IGSF21: variants seen among roughly 807,000 people sequenced by gnomAD.
IGSF21 encodes the protein immunoglobulin superfamily member 21.
Under a neutral mutation model 46.8 loss-of-function variants are expected in IGSF21, and 28 were observed. The ratio of observed to expected loss-of-function variants is 0.60; its 90% CI spans 0.44 to 0.82. The LOEUF (loss-of-function observed/expected upper bound fraction) is 0.82, where lower values mean the gene tolerates loss of function less well. IGSF21 is among the 40% of genes least tolerant of loss of function. IGSF21 has a pLI of 0.00. For synonymous variants in IGSF21, 284 were observed against 273.6 expected, an observed-to-expected ratio of 1.04 and a Z score of -0.38; for missense variants, 624 against 665.5, an observed-to-expected ratio of 0.94 and a Z score of 0.69.
At chr1:18,167,137 G>A (rs190569803) in intron 1 of IGSF21, 1 of 152,680 alleles carries the variant, frequency 6.5e-6, no homozygotes, top group East Asian at 1.9e-4. Flanking sequence ...ACACATCGCT[G>A]GCTGAGCCTG....
At position 18,291,729 on chromosome 1, in the gene IGSF21, C is replaced by T. The variant is rs186652623; in HGVS notation, c.184-137C>T. 578 of 1,048,782 alleles carry T rather than the reference C, an allele frequency of 5.5e-4. 4 individuals carry two copies. Among genetic ancestry groups the T allele is most frequent in the Middle Eastern group, 4.4e-3 (14 of 3,160 alleles). The allele number at this position is 1,048,782 out of a possible 1,614,324, so 65.0% of individuals were successfully genotyped here. On this transcript the variant is annotated intron_variant, in intron 2 of 9. Transcript: ENST00000251296. The stretch of plus-strand genomic sequence containing the variant: ...AACATCGCTGCCTCCAGGAAGCCCT[C>T]GGTTATTACCTTATTCTCAGGATGG...
rs2086148147 is a variant in IGSF21, at chr1:18,365,212, T to C, written c.541-11T>C. ...CAAAATCATTTTCCCACACCCTCCT[T>C]ACAATGGCAGGTTTATTTCAAACGA... On this transcript the variant is annotated splice_polypyrimidine_tract_variant and intron_variant, in intron 5 of 9. Transcript: ENST00000251296. The surrounding 1 kb of genome is among the most constrained non-coding windows in gnomAD (Gnocchi z 4.8). 5 of 1,582,858 alleles carry C rather than the reference T, an allele frequency of 3.2e-6. No individual in the cohort carries two copies. In the Middle Eastern group the frequency reaches 5.1e-4, roughly 160 times the overall value.
At chr1:18,339,928 T>C (rs971424273) in intron 4 of IGSF21, among the ~76,000 whole-genome samples, 2 of 152,172 alleles carry the variant, frequency 1.3e-5, no homozygotes, top group Non-Finnish European at 2.9e-5. Context: ...TCAAACCCTC[T>C]GAAAGGAGCA....
intron 3 of IGSF21, among the ~76,000 whole-genome samples, chr1:18,299,685 C>A (rs577014340): frequency 2.6e-5 from 4 of 152,202 alleles, no homozygotes; most frequent in Non-Finnish European, 5.9e-5. Flanking sequence ...CAGTTCCTGA[C>A]CTGCTGGAAA....
intron 3 of IGSF21, among the ~76,000 whole-genome samples, chr1:18,319,654 G>A (rs2085581072): frequency 6.6e-6 from 1 of 152,156 alleles, no homozygotes. Flanking sequence ...CAAAGTTTTG[G>A]TACTTAATAT....
intron 3 of IGSF21, among the ~76,000 whole-genome samples, chr1:18,310,738 C>T (rs1373044521): frequency 6.6e-6 from 1 of 152,178 alleles, no homozygotes; most frequent in Non-Finnish European, 1.5e-5. Context: ...GTTCTCAAGG[C>T]TAGAAGTCTG....
chr1:18,334,890 A>G lies in IGSF21; in HGVS notation c.306-2A>G. The G allele has an allele frequency of 3.1e-6, 5 of 1,612,808 alleles. No individual in the cohort carries two copies. Among genetic ancestry groups the G allele is most frequent in the Non-Finnish European group, 4.2e-6 (5 of 1,178,952 alleles). On this transcript the variant is annotated splice_acceptor_variant, in intron 3 of 9. Coordinates refer to ENST00000251296, the MANE Select transcript of IGSF21 (RefSeq NM_032880.5). LOFTEE classifies it high-confidence loss of function. This position sits in a 1 kb window ranked among gnomAD's most constrained non-coding sequence, Gnocchi z 4.3. ...CCTCACCCTGTCTTCTGCCTCCCCC[A>G]GGCTGCCCGAGGTCCGGATCTCAGA...
chr1:18,355,571 A>G (rs1468634814), intron 4 of IGSF21, among the ~76,000 whole-genome samples: 3 of 151,876 alleles, frequency 2.0e-5, no homozygotes, highest in African/African-American at 7.3e-5. Flanking sequence ...AAAATTATTC[A>G]TGGAAACTTC....
chr1:18,127,123 C>A (rs896859455), intron 1 of IGSF21, among the ~76,000 whole-genome samples: 10 of 152,208 alleles, frequency 6.6e-5, no homozygotes, highest in Non-Finnish European at 1.5e-5. Context: ...GATGGGTCAT[C>A]TTGAACAGAG....
In IGSF21 at chr1:18,157,622, C is replaced by G. The variant is rs2086580268; in HGVS notation, c.70+49424C>G. ...AGCCCGGTCTGGTACACACGTTAAG[C>G]AAGACTGCAACCTGCAAGTCCAGCC... On this transcript the variant is annotated intron_variant, in intron 1 of 9. Coordinates refer to ENST00000251296, the MANE Select transcript of IGSF21 (RefSeq NM_032880.5). Among the ~76,000 whole-genome samples the G allele has an allele frequency of 1.3e-5, 2 of 152,216 alleles. 1 individual carries two copies. The highest frequency in any genetic ancestry group is 4.1e-4 in the South Asian group (2 of 4,826).
intron 1 of IGSF21, among the ~76,000 whole-genome samples, chr1:18,192,176 T>C (rs1051576140): frequency 6.6e-6 from 1 of 152,238 alleles, no homozygotes; most frequent in Non-Finnish European, 1.5e-5. Context: ...CAGAAGCCTC[T>C]GTTTCCTGCC....
intron 6 of IGSF21, 158 bp from the exon 7 acceptor site, chr1:18,376,152 T>A: frequency 1.4e-6 from 1 of 690,352 alleles, no homozygotes; most frequent in Non-Finnish European, 2.7e-6. Context: ...TCTGAATGAA[T>A]GCAGCTGTGA....
At chr1:18,215,312 A>C (rs922217861) in intron 1 of IGSF21, among the ~76,000 whole-genome samples, 9 of 152,210 alleles carry the variant, frequency 5.9e-5, no homozygotes, top group Non-Finnish European at 1.3e-4. Flanking sequence ...GGCCAGCAAC[A>C]CGCAAAGCAC....
chr1:18,285,673 T>C (rs2085206208), intron 2 of IGSF21, among the ~76,000 whole-genome samples: 1 of 152,162 alleles, frequency 6.6e-6, no homozygotes, highest in South Asian at 2.1e-4. Context: ...TGAGATGCTC[T>C]CAGCATGGGG....
intron 2 of IGSF21, among the ~76,000 whole-genome samples, chr1:18,288,091 A>C (rs2085233021): frequency 6.6e-6 from 1 of 152,132 alleles, no homozygotes; most frequent in African/African-American, 2.4e-5. Flanking sequence ...CCTTATCCCC[A>C]TTTCACAGAT....
rs79676495 is a variant in IGSF21, at chr1:18,299,498, G to T, written c.305+7511G>T. Among the ~76,000 whole-genome samples, 671 of 152,274 alleles carry T rather than the reference G, an allele frequency of 4.4e-3. 9 individuals are homozygous for T. Among genetic ancestry groups the T allele is most frequent in the African/African-American group, 0.015 (633 of 41,550 alleles). On this transcript the variant is annotated intron_variant, in intron 3 of 9. Coordinates refer to ENST00000251296, the MANE Select transcript of IGSF21 (RefSeq NM_032880.5). ...CCCTTCTCCCTCTGTATATTTTCAT[G>T]AAGCATACGTCTTCTTTCTCTAAAA... is the stretch of plus-strand genomic sequence containing the variant.
intron 1 of IGSF21, among the ~76,000 whole-genome samples, chr1:18,127,951 C>G (rs2086287537): frequency 6.6e-6 from 1 of 152,076 alleles, no homozygotes; most frequent in African/African-American, 2.4e-5. Flanking sequence ...TTGCCCAAAG[C>G]ATCTGACATC....
chr1:18,213,112 C>T (rs2084408849), intron 1 of IGSF21, among the ~76,000 whole-genome samples: 2 of 152,080 alleles, frequency 1.3e-5, no homozygotes, highest in South Asian at 2.1e-4. Context: ...TCCTTAAGTC[C>T]CCTCCCTCTG....
intron 3 of IGSF21, among the ~76,000 whole-genome samples, chr1:18,311,167 T>C (rs2085484844): frequency 6.6e-6 from 1 of 152,124 alleles, no homozygotes; most frequent in African/African-American, 2.4e-5. Context: ...GCCAGCAGGA[T>C]ATGAGAGCCC....
Sources: gnomAD v4.1 joint callset for allele counts (sites outside exome capture counted in the v4.1 genomes callset) on GRCh38, gnomAD v4.1.1 for gene constraint, Gnocchi (gnomAD v3.1) non-coding constraint, MANE v1.5 for transcripts, NCBI Gene and HGNC (gene_info 2026-07-23, HGNC 2026-07-21) for gene names.